CTNNA2: variants seen among roughly 807,000 people sequenced by gnomAD.
The protein encoded by CTNNA2 is catenin alpha 2, also known as catenin alpha-2.
A neutral mutation model predicts 101.0 loss-of-function variants in CTNNA2; 42 were observed. The observed-to-expected ratio is 0.42, with a 90% CI of 0.32 to 0.54. The LOEUF is 0.54. Among genes scored for constraint, CTNNA2 ranks in the 20% least tolerant of loss-of-function variants. The pLI is 0.14. For synonymous variants in CTNNA2, 450 were observed against 456.4 expected, an observed-to-expected ratio of 0.99 and a Z score of 0.18; for missense variants, 871 against 1,223.1, an observed-to-expected ratio of 0.71 and a Z score of 4.29.
chr2:80,163,173 G>T, intron 7 of CTNNA2: 7 of 1,410,944 alleles, frequency 5.0e-6, no homozygotes, highest in Non-Finnish European at 7.0e-6. Flanking sequence ...TCGAAAAGGA[G>T]CTCCTCGGTC....
intron 7 of CTNNA2, among the ~76,000 whole-genome samples, chr2:80,078,208 G>A (rs533969676): frequency 4.6e-4 from 70 of 152,096 alleles, no homozygotes; most frequent in Non-Finnish European, 7.8e-4. Flanking sequence ...ACCACAGAAC[G>A]TTTGCAGTTT....
intron 9 of CTNNA2, among the ~76,000 whole-genome samples, chr2:80,475,155 C>G (rs749435536): frequency 6.6e-6 from 1 of 152,204 alleles, no homozygotes; most frequent in African/African-American, 2.4e-5. Flanking sequence ...TTAACGATCT[C>G]ATTCACACAT....
At position 80,303,675 on chromosome 2, in the gene CTNNA2, G is replaced by A. The variant is rs754652013; in HGVS notation, c.1057-89536G>A. On this transcript the variant is annotated intron_variant, in intron 7 of 18. Transcript: ENST00000402739. This position sits in a 1 kb window ranked among gnomAD's most constrained non-coding sequence, Gnocchi z 7.7. The stretch of plus-strand genomic sequence containing the variant: ...AGGTTGAGCGCCTCGCAGTACAGCA[G>A]CCGCCCCTCGCACCGGCACAGCTGC... 1.1e-5 allele frequency: 17 copies of A among 1,611,238 alleles called. No individual in the cohort carries two copies. The East Asian group carries it at 3.1e-4, about 30-fold the overall frequency.
chr2:80,017,686 C>T (rs1230148095), intron 7 of CTNNA2, among the ~76,000 whole-genome samples: 3 of 151,798 alleles, frequency 2.0e-5, no homozygotes, highest in Admixed American at 2.0e-4. Context: ...AATGTGGTAT[C>T]CTTGTCTCGG....
chr2:79,805,673 C>T (rs919028295), intron 3 of CTNNA2, among the ~76,000 whole-genome samples: 2 of 152,126 alleles, frequency 1.3e-5, no homozygotes, highest in Non-Finnish European at 2.9e-5. Context: ...CACGGTGGCT[C>T]ATGCCTGTAA....
intron 7 of CTNNA2, among the ~76,000 whole-genome samples, chr2:79,939,810 C>T (rs941423649): frequency 1.1e-4 from 16 of 152,104 alleles, no homozygotes; most frequent in African/African-American, 2.7e-4. Context: ...CACATGGACC[C>T]GGCTGGGCAT....
chr2:79,708,069 C>T (rs2104794178), intron 2 of CTNNA2, among the ~76,000 whole-genome samples: 1 of 152,278 alleles, frequency 6.6e-6, no homozygotes, highest in African/African-American at 2.4e-5. Context: ...AGTAATAAAA[C>T]ATTCTAAAAA....
At chr2:80,544,353 G>GGC (rs1168464710) in intron 9 of CTNNA2, among the ~76,000 whole-genome samples, 1 of 151,938 alleles carries the variant, frequency 6.6e-6, no homozygotes, top group East Asian at 2.0e-4. Flanking sequence ...AAAACAAGGA[G>GGC]GCCATCAAAT....
intron 4 of CTNNA2, among the ~76,000 whole-genome samples, chr2:79,858,535 T>A (rs60500048): frequency 6.6e-6 from 1 of 152,136 alleles, no homozygotes; most frequent in Non-Finnish European, 1.5e-5. Context: ...GTCCATGTGA[T>A]AGTTCAGGTT....
intron 7 of CTNNA2, among the ~76,000 whole-genome samples, chr2:80,258,183 T>C (rs1051742822): frequency 6.6e-6 from 1 of 152,222 alleles, no homozygotes; most frequent in Admixed American, 6.5e-5. Flanking sequence ...TTTATTGTTC[T>C]TTATGTCAGC....
rs185143030 is a variant in CTNNA2, at chr2:80,417,024, G to A, written c.1138-2425G>A. ...GCTGAAATGCAGTTTTTTCCCCCTCGTTTTTCTTTAGAATTCAGTCATTTT... is the reference window on the plus strand; with the variant it reads ...GCTGAAATGCAGTTTTTTCCCCCTCATTTTTCTTTAGAATTCAGTCATTTT... On this transcript the variant is annotated intron_variant, in intron 8 of 18. Transcript: ENST00000402739. 3.2e-3 allele frequency among the ~76,000 whole-genome samples: 478 copies of A among 151,694 alleles called. 1 individual carries two copies. The highest frequency in any genetic ancestry group is 0.011 in the African/African-American group (439 of 41,416).
At chr2:80,546,471 TG>T (rs771297890) in intron 11 of CTNNA2, among the ~76,000 whole-genome samples, 1 of 152,302 alleles carries the variant, frequency 6.6e-6, no homozygotes, top group Non-Finnish European at 1.5e-5. Flanking sequence ...TGTTTTGTTT[TG>T]TTTTTTTTCC....
intron 3 of CTNNA2, among the ~76,000 whole-genome samples, chr2:79,780,025 C>T (rs1674303921): frequency 6.6e-6 from 1 of 152,188 alleles, no homozygotes; most frequent in Admixed American, 6.5e-5. Context: ...GAGGCTTCAT[C>T]TGCATCATAA....
At chr2:79,495,582 A>G (rs1671247516) in intron 4 of CTNNA2, among the ~76,000 whole-genome samples, 1 of 152,314 alleles carries the variant, frequency 6.6e-6, no homozygotes, top group Non-Finnish European at 1.5e-5. Flanking sequence ...TAATAAGCAG[A>G]GTTACCACGT....
At chr2:80,522,630 T>C (rs546837289) in intron 9 of CTNNA2, among the ~76,000 whole-genome samples, 68 of 152,072 alleles carry the variant, frequency 4.5e-4, no homozygotes, top group African/African-American at 1.5e-3. Context: ...TGGGAGGTGA[T>C]TGGATCATGG....
At chr2:80,490,795 G>T (rs1209202798) in intron 9 of CTNNA2, among the ~76,000 whole-genome samples, 1 of 152,124 alleles carries the variant, frequency 6.6e-6, no homozygotes, top group African/African-American at 2.4e-5. Context: ...AACCTGATTT[G>T]TCAGAGAAGT....
intron 7 of CTNNA2, among the ~76,000 whole-genome samples, chr2:80,058,992 A>G (rs1045580663): frequency 6.6e-6 from 1 of 152,208 alleles, no homozygotes; most frequent in Non-Finnish European, 1.5e-5. Flanking sequence ...ACATAATACC[A>G]GTCTTCCTTC....
chr2:79,211,643 T>C (rs1432490274), intron 2 of CTNNA2, among the ~76,000 whole-genome samples: 1 of 152,158 alleles, frequency 6.6e-6, no homozygotes, highest in Non-Finnish European at 1.5e-5. Context: ...GAACAGGCCA[T>C]TTTCATTTCT....
chr2:79,930,761 A>G (rs1183082199), intron 7 of CTNNA2, among the ~76,000 whole-genome samples: 1 of 152,256 alleles, frequency 6.6e-6, no homozygotes, highest in Non-Finnish European at 1.5e-5. Flanking sequence ...TAGGGAGGTC[A>G]ACTCTAGTAT....
Sources: allele counts gnomAD v4.1 joint callset (sites outside exome capture counted in the v4.1 genomes callset), GRCh38; gene constraint gnomAD v4.1.1; non-coding constraint Gnocchi (gnomAD v3.1); transcripts MANE v1.5; gene names NCBI Gene and HGNC (gene_info 2026-07-23, HGNC 2026-07-21).